Variants in BAZ2A observed in about 807,000 individuals in gnomAD.
The protein encoded by BAZ2A is bromodomain adjacent to zinc finger domain protein 2A.
In BAZ2A, 34 loss-of-function variants were observed where a neutral mutation model predicts 199.9. That is an observed-to-expected ratio of 0.17 (90% CI 0.13 to 0.23). The LOEUF (loss-of-function observed/expected upper bound fraction) is 0.23. BAZ2A is among the 10% of genes least tolerant of loss of function. BAZ2A has a pLI of 1.00. For missense variants in BAZ2A, 2,002 were observed against 2,391.1 expected, an observed-to-expected ratio of 0.84 and a Z score of 3.39; for synonymous variants, 857 against 883.9, an observed-to-expected ratio of 0.97 and a Z score of 0.54.
At chr12:56,636,269 A>C in exon 1 of BAZ2A, 1 of 1,551,836 alleles carries the variant, frequency 6.4e-7, no homozygotes, top group Non-Finnish European at 8.7e-7. Flanking sequence ...TTGGTGTTGG[A>C]TCCTCCCAAA....
Position 56,605,135 on chromosome 12 carries a change from C to A in BAZ2A, c.2686G>T (p.Asp896Tyr), listed in dbSNP as rs777555034. ...CQGDSLGEVQ[D>Y]LLVRLLKAAL... ...GCCTTCAGCAGCCTGACCAGCAGGTCTTGCACCTCACCCAAGCTGTCACCT... is the reference window on the plus strand; with the variant it reads ...GCCTTCAGCAGCCTGACCAGCAGGTATTGCACCTCACCCAAGCTGTCACCT... The change falls in exon 14 of 29, where the codon GAC (aspartate) becomes TAC (tyrosine). Residue 896 changes from aspartate to tyrosine, a missense_variant. Asp to Tyr is a radical substitution (Grantham distance 160). Coordinates refer to ENST00000549884, the MANE Select transcript of BAZ2A (RefSeq NM_001300905.2). 16 of 1,613,826 alleles carry A rather than the reference C, an allele frequency of 9.9e-6. No individual in the cohort carries two copies. Among genetic ancestry groups the A allele is most frequent in the Non-Finnish European group, 1.2e-5 (14 of 1,179,826 alleles).
rs1366373518 is a variant in BAZ2A at position 56,636,329 on chromosome 12, C to A, written c.-144G>T. ...TCAAAAAGCCAGTGTATGCTTCCTG[C>A]GAACCACACAGCCTGAACTGCTGTA... On this transcript the variant is annotated 5_prime_UTR_variant, in exon 1 of 30. Transcript: ENST00000379441. 5.4e-6 allele frequency: 8 copies of A among 1,480,908 alleles called. No homozygotes were observed. In the African/African-American group the frequency reaches 5.6e-5, roughly 10 times the overall value. The allele number at this position is 1,480,908 out of a possible 1,614,324, so 91.7% of individuals were successfully genotyped here.
chr12:56,597,980 G>C lies in BAZ2A; in HGVS notation c.*638C>G, dbSNP rs1885999352. 6.6e-6 allele frequency: 1 copy of C among 151,620 alleles called. No individual in the cohort carries two copies. Among genetic ancestry groups the C allele is most frequent in the Non-Finnish European group, 1.5e-5 (1 of 67,826 alleles). The allele number at this position is 151,620 out of a possible 1,614,324, so 9.4% of individuals were successfully genotyped here. A position where few individuals can be genotyped will look rare whatever the true frequency, so the allele number is the denominator to read the frequency against. On this transcript the variant is annotated 3_prime_UTR_variant, in exon 29 of 29. Transcript: ENST00000549884. ...TTTGAAGGGAAAAGATTTGGGAGAA[G>C]AGAAAAGGAGGGAGGAACCCGTACA...
chr12:56,614,884 A>T (rs900254671), intron 3 of BAZ2A, 130 bp downstream of exon 3: 1 of 970,236 alleles, frequency 1.0e-6, no homozygotes, highest in Non-Finnish European at 1.5e-6. Context: ...GCTAATTGCT[A>T]ATCACCAACA....
Position 56,601,601 on chromosome 12 carries a change from G to C in BAZ2A, c.4016C>G (p.Ala1339Gly), listed in dbSNP as rs1886490990. ...PCNAAPTPPPAVSEDQPTPSP... is the reference protein window; with the variant it reads ...PCNAAPTPPPGVSEDQPTPSP... ...GGGAGTGGGTTGGTCCTCAGAAACT[G>C]CAGGGGGCGGTGTGGGGGCAGCATT... Residue 1339 changes from alanine (A) to glycine (G), a missense_variant, in exon 20 of 29, where the codon GCA becomes GGA. Physicochemically the swap from Ala to Gly is moderately conservative, Grantham distance 60. Coordinates refer to ENST00000549884, the MANE Select transcript of BAZ2A (RefSeq NM_001300905.2). 1 of 1,613,774 alleles carries C rather than the reference G, an allele frequency of 6.2e-7. No individual in the cohort carries two copies. Among genetic ancestry groups the C allele is most frequent in the African/African-American group, 1.3e-5 (1 of 74,908 alleles).
upstream of BAZ2A, among the ~76,000 whole-genome samples, chr12:56,632,496 C>G (rs1211317637): frequency 1.3e-5 from 2 of 152,148 alleles, no homozygotes; most frequent in Non-Finnish European, 2.9e-5. Context: ...CCCACACCCA[C>G]ACACACCCAC....
intron 1 of BAZ2A, among the ~76,000 whole-genome samples, chr12:56,620,143 A>G (rs1448008026): frequency 1.3e-5 from 2 of 151,392 alleles, no homozygotes; most frequent in Non-Finnish European, 2.9e-5. Flanking sequence ...CATAAAATAC[A>G]CTAATGAGAG....
Position 56,613,033 on chromosome 12 carries a change from C to G in BAZ2A, c.1117G>C (p.Gly373Arg), listed in dbSNP as rs370293695. 3.0e-5 allele frequency: 48 copies of G among 1,613,486 alleles called. No homozygotes were observed. The highest frequency in any genetic ancestry group is 1.7e-4 in the Middle Eastern group (1 of 5,852). The change falls in exon 5 of 29, where the codon GGG becomes CGG. Residue 373 changes from glycine to arginine, a missense_variant. Gly to Arg is a moderately radical substitution (Grantham distance 125, BLOSUM62 -2). This residue lies in a region of BAZ2A where 641 missense variants were observed against 694.5 expected (regional missense o/e 0.92). Coordinates refer to ENST00000549884, the MANE Select transcript of BAZ2A (RefSeq NM_001300905.2). ...FASPTSPPVL[G>R]ESVLQDNSFD... is the part of the protein sequence containing the mutation. ...CACTTACCTTGCAGGACAGACTCCC[C>G]TAGGACAGGTGGAGAGGTGGGACTG...
At position 56,597,417 on chromosome 12, in the gene BAZ2A, C is replaced by G. The variant is rs906474766; in HGVS notation, c.*1201G>C. On this transcript the variant is annotated 3_prime_UTR_variant, in exon 29 of 29. Transcript: ENST00000549884. ...GGAACAAAAATGACCAGGAGAGAGA[C>G]ACAGCCTTGTCTCCAGAGAAATTGT... 7.2e-5 allele frequency: 11 copies of G among 152,352 alleles called. No individual in the cohort carries two copies. Among genetic ancestry groups the G allele is most frequent in the South Asian group, 2.1e-4 (1 of 4,814 alleles). The allele number at this position is 152,352 out of a possible 1,614,324, so 9.4% of individuals were successfully genotyped here.
chr12:56,628,401 G>A (rs1308093898), intron 1 of BAZ2A, among the ~76,000 whole-genome samples: 4 of 152,040 alleles, frequency 2.6e-5, no homozygotes, highest in Admixed American at 6.6e-5. Context: ...CGACTTTGCA[G>A]GGAACAGAGG....
Position 56,606,041 on chromosome 12 carries a change from G to A in BAZ2A, c.2282C>T (p.Thr761Ile). 6.4e-7 allele frequency: 1 copy of A among 1,550,856 alleles called. No homozygotes were observed. The highest frequency in any genetic ancestry group is 8.7e-7 in the Non-Finnish European group (1 of 1,146,930). The change falls in exon 13 of 29, where the codon ACA (threonine) becomes ATA (isoleucine). Residue 761 changes from threonine (T) to isoleucine (I), a missense_variant. Around this residue, in one of 6 missense-constraint regions of BAZ2A, gnomAD observed 1,081 missense variants for 1,274.7 expected, o/e 0.85. Coordinates refer to ENST00000549884, the MANE Select transcript of BAZ2A (RefSeq NM_001300905.2). Reference protein sequence around the residue: ...KSKAEKEKGKTKQEKLKEKVK... With the variant: ...KSKAEKEKGKIKQEKLKEKVK... ...TTTTTCCTTCAGTTTTTCCTGCTTT[G>A]TCTTTCCTTTTTCTTTCTCAGCCTA... is the stretch of plus-strand genomic sequence containing the variant.
chr12:56,630,303 C>G lies in BAZ2A; in HGVS notation c.-181G>C, dbSNP rs946373390. 1 of 984,454 alleles carries G rather than the reference C, an allele frequency of 1.0e-6. No homozygotes were observed. The highest frequency in any genetic ancestry group is 1.7e-5 in the African/African-American group (1 of 57,210). 61.0% of individuals were successfully genotyped at this position (984,454 alleles called of 1,614,324 possible). A position where few individuals can be genotyped will look rare whatever the true frequency, so the allele number is the denominator to read the frequency against. On this transcript the variant is annotated 5_prime_UTR_variant, in exon 1 of 29. Coordinates refer to ENST00000549884, the MANE Select transcript of BAZ2A (RefSeq NM_001300905.2). ...CTCAACCGCGGGGCCCGAGAGGAGC[C>G]AACATGGCCGGCGGGGGAGGAGTGA...
chr12:56,610,090 C>T, intron 9 of BAZ2A, 24 bp downstream of exon 9: 2 of 1,611,206 alleles, frequency 1.2e-6, no homozygotes, highest in South Asian at 2.2e-5. Context: ...GGGACAAAAG[C>T]ATATTTAACC....
At chr12:56,606,183 A>G in intron 12 of BAZ2A, 64 bp downstream of exon 12, 2 of 1,605,570 alleles carry the variant, frequency 1.2e-6, no homozygotes, top group Non-Finnish European at 1.7e-6. Context: ...ACTGATGTAC[A>G]TGTCCTGCAA....
intron 10 of BAZ2A, among the ~76,000 whole-genome samples, chr12:56,609,071 G>A (rs1950471133): frequency 6.6e-6 from 1 of 151,402 alleles, no homozygotes; most frequent in Admixed American, 6.6e-5. Context: ...GTAGAGACGG[G>A]GTTTTACCAT....
chr12:56,626,669 C>T (rs1951104560), intron 1 of BAZ2A, among the ~76,000 whole-genome samples: 1 of 152,216 alleles, frequency 6.6e-6, no homozygotes. Context: ...CTTCATTCAG[C>T]TCCCAATTCA....
chr12:56,625,871 G>A (rs1347828466), intron 1 of BAZ2A, among the ~76,000 whole-genome samples: 8 of 103,578 alleles, frequency 7.7e-5, no homozygotes, highest in African/African-American at 2.2e-4. Flanking sequence ...GCGAAACTCC[G>A]TCTCAAAAAA....
chr12:56,605,765 C>CTT (rs202234970), intron 13 of BAZ2A, 65 bp downstream of exon 13: 162 of 1,214,110 alleles, frequency 1.3e-4, no homozygotes, highest in African/African-American at 6.7e-4. Flanking sequence ...TGCAGAAGTC[C>CTT]TTTTTTTTTT....
Position 56,601,244 on chromosome 12 carries a change from A to C in BAZ2A, c.4230T>G (p.Ser1410Arg), listed in dbSNP as rs867331381. Residue 1410 changes from serine to arginine, a missense_variant, in exon 21 of 29, where the codon AGT becomes AGG. Ser to Arg is a moderately radical substitution (Grantham distance 110, BLOSUM62 -1). Transcript: ENST00000549884. The part of the protein sequence containing the change: ...GQPKRRGRPP[S>R]KFFKQMEQRY... ...GCTGTTCCATCTGTTTGAAGAACTT[A>C]CTGGGAGGTCTCCCTCTCCGTTTGG... 6.2e-7 allele frequency: 1 copy of C among 1,613,970 alleles called. No homozygotes were observed. Among genetic ancestry groups the C allele is most frequent in the Admixed American group, 1.7e-5 (1 of 60,022 alleles).
Sources: allele counts gnomAD v4.1 joint callset (sites outside exome capture counted in the v4.1 genomes callset), GRCh38; gene constraint gnomAD v4.1.1; regional missense constraint gnomAD v4.1.1; transcripts MANE v1.5; gene names NCBI Gene and HGNC (gene_info 2026-07-23, HGNC 2026-07-21).